Variants in DHRS12 observed in about 807,000 individuals in gnomAD.
DHRS12 encodes dehydrogenase/reductase 12.
DHRS12 carries 29 observed loss-of-function variants against 32.1 expected under a neutral mutation model. The ratio of observed to expected loss-of-function variants is 0.90; its 90% CI spans 0.67 to 1.23. DHRS12 has a LOEUF of 1.23. DHRS12 is among the 50% of genes most tolerant of loss of function. The probability of loss-of-function intolerance (pLI) is 0.00; values close to 1 mark genes in which losing one functional copy is unlikely to be tolerated. For synonymous variants in DHRS12, 150 were observed against 135.9 expected, an observed-to-expected ratio of 1.10 and a Z score of -0.72; for missense variants, 330 against 337.2, an observed-to-expected ratio of 0.98 and a Z score of 0.17.
intron 1 of DHRS12, among the ~76,000 whole-genome samples, chr13:51,800,551 A>C (rs748941605): frequency 6.6e-6 from 1 of 152,200 alleles, no homozygotes; most frequent in Non-Finnish European, 1.5e-5. Context: ...CGGAGCCGAG[A>C]GATTTCTCCT....
intron 4 of DHRS12, among the ~76,000 whole-genome samples, chr13:51,787,864 T>A (rs1955050244): frequency 1.7e-5 from 2 of 120,822 alleles, no homozygotes; most frequent in Non-Finnish European, 3.3e-5. Flanking sequence ...ATATATAATA[T>A]ATAAATATAT....
intron 4 of DHRS12, among the ~76,000 whole-genome samples, chr13:51,788,555 T>G (rs1241581709): frequency 6.6e-6 from 1 of 152,030 alleles, no homozygotes; most frequent in Non-Finnish European, 1.5e-5. Context: ...GTTTCCACAG[T>G]AAATTTAGCC....
In DHRS12 at chr13:51,771,972, A is replaced by T. The variant is rs1954042454; in HGVS notation, c.469-61T>A. 5.2e-6 allele frequency: 8 copies of T among 1,546,198 alleles called. No homozygotes were observed. In the South Asian group the frequency reaches 9.0e-5, roughly 17 times the overall value. ...AGGAGGCGCCATTAGGTGCAAGGGCAGGGGATAAGCCCTGCCCAGCCTGGC... is the reference window on the plus strand; with the variant it reads ...AGGAGGCGCCATTAGGTGCAAGGGCTGGGGATAAGCCCTGCCCAGCCTGGC... On this transcript the variant is annotated intron_variant, in intron 6 of 8. Transcript: ENST00000444610.
chr13:51,771,788 T>C, intron 7 of DHRS12, 33 bp downstream of exon 7: 2 of 1,610,930 alleles, frequency 1.2e-6, no homozygotes, highest in Non-Finnish European at 1.7e-6. Flanking sequence ...AGATGAAACG[T>C]AAGTGGCTCA....
At chr13:51,798,927 T>G (rs563058289) in intron 2 of DHRS12, among the ~76,000 whole-genome samples, 2 of 152,346 alleles carry the variant, frequency 1.3e-5, no homozygotes, top group South Asian at 4.1e-4. Flanking sequence ...TGAGGAAGAC[T>G]TCTGCTGACT....
chr13:51,781,017 C>T (rs932977668), intron 4 of DHRS12, among the ~76,000 whole-genome samples: 3 of 152,172 alleles, frequency 2.0e-5, no homozygotes, highest in African/African-American at 7.2e-5. Context: ...ACGGAGAAAA[C>T]CATTGTCTTG....
intron 4 of DHRS12, among the ~76,000 whole-genome samples, chr13:51,788,015 T>A (rs1955074461): frequency 6.7e-6 from 1 of 149,184 alleles, no homozygotes; most frequent in South Asian, 2.1e-4. Flanking sequence ...CAGAATTTTG[T>A]CAGATGGTGG....
intron 6 of DHRS12, chr13:51,773,026 T>C: frequency 1.0e-6 from 1 of 985,476 alleles, no homozygotes; most frequent in Non-Finnish European, 1.2e-6. Context: ...ACAGACAATG[T>C]GGGCGCCCTA....
the DHRS12 span, among the ~76,000 whole-genome samples, chr13:51,756,839 G>A: frequency 6.6e-6 from 1 of 152,154 alleles, no homozygotes; most frequent in Non-Finnish European, 1.5e-5. Context: ...TGAGTCCATG[G>A]GTCCAGAAGG....
intron 2 of DHRS12, among the ~76,000 whole-genome samples, chr13:51,797,046 G>A (rs775134506): frequency 6.6e-6 from 1 of 152,174 alleles, no homozygotes; most frequent in Non-Finnish European, 1.5e-5. Context: ...CAATTGTGGG[G>A]TCTCCTAGAG....
intron 5 of DHRS12, 174 bp from the exon 6 acceptor site, chr13:51,774,208 A>G (rs1954200689): frequency 3.4e-6 from 2 of 590,812 alleles, no homozygotes; most frequent in Non-Finnish European, 6.0e-6. Context: ...ATTCTCCTAC[A>G]TGTATTCTCC....
chr13:51,771,266 A>G, intron 7 of DHRS12: 1 of 1,552,894 alleles, frequency 6.4e-7, no homozygotes, highest in Non-Finnish European at 8.7e-7. Flanking sequence ...AGAGGAGGAA[A>G]GAGCTGCAGA....
At chr13:51,765,419 G>A (rs896500098), downstream of DHRS12, 3 of 152,188 alleles carry the variant, frequency 2.0e-5, no homozygotes, top group Non-Finnish European at 4.4e-5. Context: ...GGAATGGGAT[G>A]TCTTCCTTGC....
At chr13:51,771,993 C>T in intron 6 of DHRS12, 82 bp from the exon 7 acceptor site, 1 of 1,359,742 alleles carries the variant, frequency 7.4e-7, no homozygotes, top group Non-Finnish European at 1.0e-6. Context: ...CCTGCCCAGC[C>T]TGGCTTATCT....
intron 2 of DHRS12, chr13:51,797,810 G>A: frequency 2.6e-6 from 4 of 1,534,374 alleles, no homozygotes; most frequent in Non-Finnish European, 3.5e-6. Context: ...AGCAGGAGGG[G>A]TGAGGAGCTG....
Position 51,803,887 on chromosome 13 carries a change from CA to C in DHRS12, c.-9+166del, listed in dbSNP as rs1955871800. The C allele has an allele frequency of 7.5e-6, 4 of 530,778 alleles. No individual in the cohort carries two copies. The South Asian group carries it at 2.4e-4, about 32-fold the overall frequency. The allele number at this position is 530,778 out of a possible 1,614,324, so 32.9% of individuals were successfully genotyped here. A position where few individuals can be genotyped will look rare whatever the true frequency, so the allele number is the denominator to read the frequency against. On this transcript the variant is annotated intron_variant, in intron 1 of 8. Transcript: ENST00000444610. ...TGGAGTCTGGCGACTGCCCCACGCCCAGCCGTGGGTCGCTAGACGGCGGGCG... is the reference window on the plus strand; with the variant it reads ...TGGAGTCTGGCGACTGCCCCACGCCCGCCGTGGGTCGCTAGACGGCGGGCG...
chr13:51,770,837 A>C (rs1188329849), intron 7 of DHRS12: 1 of 1,067,394 alleles, frequency 9.4e-7, no homozygotes, highest in East Asian at 7.4e-5. Flanking sequence ...TTCCATAGGC[A>C]TGATTGGCAG....
chr13:51,791,121 G>C, intron 3 of DHRS12, 44 bp downstream of exon 3: 2 of 1,369,302 alleles, frequency 1.5e-6, no homozygotes, highest in African/African-American at 1.5e-5. Context: ...CGGAAACAAT[G>C]GGCCAACATG....
At chr13:51,777,717 C>T (rs1007786317) in intron 4 of DHRS12, among the ~76,000 whole-genome samples, 5 of 152,164 alleles carry the variant, frequency 3.3e-5, no homozygotes, top group African/African-American at 1.2e-4. Context: ...ACATTGGGAA[C>T]ACCACCATTC....
Sources: allele counts gnomAD v4.1 joint callset (sites outside exome capture counted in the v4.1 genomes callset), GRCh38; gene constraint gnomAD v4.1.1; transcripts MANE v1.5; gene names NCBI Gene and HGNC (gene_info 2026-07-23, HGNC 2026-07-21).